CSMD3: variants seen among roughly 807,000 people sequenced by gnomAD.
CSMD3 encodes CUB and sushi domain-containing protein 3.
A neutral mutation model predicts 435.2 loss-of-function variants in CSMD3; 177 were observed. The ratio of observed to expected loss-of-function variants is 0.41; its 90% confidence interval spans 0.36 to 0.46. The LOEUF is 0.46. Among genes scored for constraint, CSMD3 ranks in the 20% least tolerant of loss-of-function variants. The pLI, the probability that CSMD3 is intolerant of heterozygous loss-of-function variation, is 0.34. For synonymous variants in CSMD3, 1,656 were observed against 1,520.5 expected (o/e 1.09, Z -2.07); for missense variants, 4,265 against 4,504.6 (o/e 0.95, Z 1.52).
rs552969899 is a variant in CSMD3 at position 112,982,734 on chromosome 8, A to G, written c.1031-6586T>C. On this transcript the variant is annotated intron_variant, in intron 6 of 70. Coordinates refer to ENST00000297405, the MANE Select transcript of CSMD3 (RefSeq NM_198123.2). The stretch of plus-strand genomic sequence containing the variant: ...GGCCTTATCCCCTATTTCTGACTGA[A>G]TATTTGATATATATGTGAGGAGAGA... Among the ~76,000 whole-genome samples, 4 of 152,098 alleles carry G rather than the reference A, an allele frequency of 2.6e-5. No homozygotes were observed. In the South Asian group the frequency reaches 8.3e-4, roughly 32 times the overall value.
At chr8:113,075,842 T>C (rs2089313234) in intron 5 of CSMD3, among the ~76,000 whole-genome samples, 1 of 151,786 alleles carries the variant, frequency 6.6e-6, no homozygotes. Flanking sequence ...AATAATATAC[T>C]TAAAGAATGC....
Position 112,918,882 on chromosome 8 carries a change from T to C in CSMD3, c.1633+2745A>G, listed in dbSNP as rs144944993. Among the ~76,000 whole-genome samples, 210 of 152,022 alleles carry C rather than the reference T, an allele frequency of 1.4e-3. 1 individual carries two copies. The highest frequency in any genetic ancestry group is 4.8e-3 in the African/African-American group (199 of 41,518). ...TCTCAAAGGTGCAGTGCACTGATACTGCAATTTATGCTGTTGTCTGGAAAA... is the reference window on the plus strand; with the variant it reads ...TCTCAAAGGTGCAGTGCACTGATACCGCAATTTATGCTGTTGTCTGGAAAA... On this transcript the variant is annotated intron_variant, in intron 10 of 70. Coordinates refer to ENST00000297405, the MANE Select transcript of CSMD3 (RefSeq NM_198123.2).
Position 112,224,897 on chromosome 8 carries a change from T to G in CSMD3, c.10998A>C (p.Ser3666=), listed in dbSNP as rs1034229806. 6.2e-7 allele frequency: 1 copy of G among 1,614,078 alleles called. No homozygotes were observed. The highest frequency in any genetic ancestry group is 8.5e-7 in the Non-Finnish European group (1 of 1,179,916). ...CTTGGCCATTGTTATTTTCATGAAC[T>G]GAACATCCTGTATACTGTGTTTTAG... The part of the protein sequence containing the change: ...TAPKTQYTGC[S]VHENNNGQAA... Residue 3666 remains serine, a synonymous_variant, in exon 71 of 71, where the codon TCA becomes TCC. Transcript: ENST00000297405.
chr8:113,385,238 G>T (rs1464381699), intron 1 of CSMD3, among the ~76,000 whole-genome samples: 3 of 152,060 alleles, frequency 2.0e-5, no homozygotes, highest in Admixed American at 6.6e-5. Flanking sequence ...GAACCTCATT[G>T]TGTCTCTTCA....
Position 113,334,297 on chromosome 8 carries a change from A to ATTTTTTTTTTTT in CSMD3, c.179-19505_179-19504insAAAAAAAAAAAA, listed in dbSNP as rs2094052880. ...TTTAAGTTTTTTTTTTTTTTTTTTCATTTCCAGCCTGTGTACCTGTTACAT... is the reference window on the plus strand; with the variant it reads ...TTTAAGTTTTTTTTTTTTTTTTTTCATTTTTTTTTTTTTTTCCAGCCTGTGTACCTGTTACAT... On this transcript the variant is annotated intron_variant, in intron 1 of 70. Coordinates refer to ENST00000297405, the MANE Select transcript of CSMD3 (RefSeq NM_198123.2). Among the ~76,000 whole-genome samples the ATTTTTTTTTTTT allele has an allele frequency of 4.8e-5, 6 of 126,288 alleles. 1 individual carries two copies. The highest frequency in any genetic ancestry group is 4.8e-5 in the Non-Finnish European group (3 of 62,480). 82.8% of individuals were successfully genotyped at this position (126,288 alleles called of 152,430 possible).
intron 7 of CSMD3, among the ~76,000 whole-genome samples, chr8:112,960,090 T>C (rs1343967623): frequency 6.6e-6 from 1 of 151,856 alleles, no homozygotes; most frequent in East Asian, 1.9e-4. Context: ...AGGGGAGTTA[T>C]AAAATTATTT....
chr8:113,154,729 C>T (rs944135182), intron 4 of CSMD3, among the ~76,000 whole-genome samples: 3 of 151,924 alleles, frequency 2.0e-5, no homozygotes, highest in African/African-American at 7.2e-5. Flanking sequence ...TACTTCAGAG[C>T]TTTGGTAAAA....
At chr8:112,703,289 T>A (rs962877949) in intron 13 of CSMD3, among the ~76,000 whole-genome samples, 3 of 151,878 alleles carry the variant, frequency 2.0e-5, no homozygotes, top group Admixed American at 2.0e-4. Context: ...GGCAAAGAAA[T>A]CAGAAGCAGG....
chr8:113,380,953 A>G (rs763785369), intron 1 of CSMD3, among the ~76,000 whole-genome samples: 2 of 152,194 alleles, frequency 1.3e-5, no homozygotes, highest in Non-Finnish European at 2.9e-5. Context: ...GGCAAACCTC[A>G]GAAGACTGCT....
At chr8:112,934,580 G>C (rs373018880) in intron 9 of CSMD3, among the ~76,000 whole-genome samples, 13 of 152,258 alleles carry the variant, frequency 8.5e-5, no homozygotes, top group Non-Finnish European at 8.8e-5. Context: ...TTGCTGTGGA[G>C]CATAAAATGA....
At chr8:113,237,670 GT>G (rs1264329092) in intron 3 of CSMD3, among the ~76,000 whole-genome samples, 4 of 152,214 alleles carry the variant, frequency 2.6e-5, no homozygotes, top group Admixed American at 2.6e-4. Context: ...TGTTTCTACA[GT>G]TTACAGCTTC....
At chr8:113,120,149 A>G (rs1016945389) in intron 4 of CSMD3, among the ~76,000 whole-genome samples, 5 of 152,060 alleles carry the variant, frequency 3.3e-5, no homozygotes, top group Admixed American at 2.0e-4. Context: ...GTTATAATGA[A>G]TTCATCTACA....
chr8:112,707,333 T>C (rs191424601), intron 13 of CSMD3, among the ~76,000 whole-genome samples: 1 of 152,088 alleles, frequency 6.6e-6, no homozygotes, highest in East Asian at 1.9e-4. Flanking sequence ...AGCAGATGCC[T>C]TTTGCTTTAA....
At chr8:112,414,853 C>T (rs971977180) in intron 32 of CSMD3, among the ~76,000 whole-genome samples, 3 of 152,128 alleles carry the variant, frequency 2.0e-5, no homozygotes, top group African/African-American at 7.2e-5. Context: ...AGTAAAGAGA[C>T]TGGTGGCATT....
chr8:112,883,221 G>A (rs1475124480), intron 10 of CSMD3, among the ~76,000 whole-genome samples: 4 of 151,976 alleles, frequency 2.6e-5, no homozygotes, highest in South Asian at 4.1e-4. Context: ...TGAAATCTTC[G>A]ATTTTCAAAT....
chr8:113,376,909 G>A lies in CSMD3; in HGVS notation c.178+59768C>T, dbSNP rs545581005. 28 of 1,585,072 alleles carry A rather than the reference G, an allele frequency of 1.8e-5. No individual in the cohort carries two copies. In the East Asian group the frequency reaches 6.7e-4, roughly 38 times the overall value. Reference sequence around the variant, plus strand: ...TCCTGGCCGGGAAAACAAAACAGCCGTGGTTGTGGGGGCCATAACGGATGA... The same window carrying A: ...TCCTGGCCGGGAAAACAAAACAGCCATGGTTGTGGGGGCCATAACGGATGA... On this transcript the variant is annotated intron_variant, in intron 1 of 70. Coordinates refer to ENST00000297405, the MANE Select transcript of CSMD3 (RefSeq NM_198123.2).
At chr8:112,761,419 G>A (rs865974514) in intron 13 of CSMD3, among the ~76,000 whole-genome samples, 1 of 151,948 alleles carries the variant, frequency 6.6e-6, no homozygotes, top group African/African-American at 2.4e-5. Flanking sequence ...TCATTTTACT[G>A]TCTGATCCAC....
intron 3 of CSMD3, among the ~76,000 whole-genome samples, chr8:113,187,004 G>T (rs1356367231): frequency 1.3e-5 from 2 of 151,960 alleles, no homozygotes; most frequent in Admixed American, 6.6e-5. Flanking sequence ...ATTAATATTG[G>T]TGGAAGGGTG....
At position 112,812,953 on chromosome 8, in the gene CSMD3, A is replaced by T. The variant is rs879746869; in HGVS notation, c.1860-12679T>A. On this transcript the variant is annotated intron_variant, in intron 12 of 70. Coordinates refer to ENST00000297405, the MANE Select transcript of CSMD3 (RefSeq NM_198123.2). ...TTGTGCAGATGAAAGGCCTTAGCCC[A>T]CTTCAAAAGTTCATTGAAAAATCAA... is the stretch of plus-strand genomic sequence containing the variant. Among the ~76,000 whole-genome samples, 8 of 152,228 alleles carry T rather than the reference A, an allele frequency of 5.3e-5. 1 individual carries two copies. Among genetic ancestry groups the T allele is most frequent in the Admixed American group, 5.2e-4 (8 of 15,280 alleles).
Sources: allele counts gnomAD v4.1 joint callset (sites outside exome capture counted in the v4.1 genomes callset), GRCh38; gene constraint gnomAD v4.1.1; transcripts MANE v1.5; gene names NCBI Gene and HGNC (gene_info 2026-07-23, HGNC 2026-07-21).